Variants in MGAT4C observed in about 807,000 individuals in gnomAD.
The protein encoded by MGAT4C is alpha-1,3-mannosyl-glycoprotein 4-beta-N-acetylglucosaminyltransferase C.
A neutral mutation model predicts 40.1 loss-of-function variants in MGAT4C; 19 were observed. That is an observed-to-expected ratio of 0.47 (90% confidence interval 0.33 to 0.70). The LOEUF is 0.70. Ranked by LOEUF, MGAT4C falls within the 30% of genes least tolerant of loss-of-function variation. MGAT4C has a pLI of 0.02. For synonymous variants in MGAT4C, 181 were observed against 187.1 expected (o/e 0.97, Z 0.27); for missense variants, 491 against 563.2 (o/e 0.87, Z 1.30).
In MGAT4C at chr12:86,347,151, C is replaced by T. The variant is rs182154559; in HGVS notation, c.-119-13024G>A. Among the ~76,000 whole-genome samples the T allele has an allele frequency of 3.0e-4, 45 of 152,244 alleles. 1 individual carries two copies. Among genetic ancestry groups the T allele is most frequent in the Admixed American group, 1.2e-3 (19 of 15,266 alleles). On this transcript the variant is annotated intron_variant, in intron 3 of 7. Coordinates refer to the MGAT4C transcript ENST00000548651. ...CCTATGGTGGGACTTTACCTGTTAT[C>T]GTCTGAGTCAATTCTCCATAACAAA...
At chr12:86,836,295 T>C (rs1162428244) in intron 1 of MGAT4C, among the ~76,000 whole-genome samples, 1 of 152,040 alleles carries the variant, frequency 6.6e-6, no homozygotes, top group African/African-American at 2.4e-5. Context: ...ATACCTATAA[T>C]GCACATAAGC....
rs375384803 is a variant in MGAT4C, at chr12:86,391,116, C to T, written c.-120+44041G>A. Among the ~76,000 whole-genome samples, 15 of 152,208 alleles carry T rather than the reference C, an allele frequency of 9.9e-5. No individual in the cohort carries two copies. The East Asian group carries it at 2.7e-3, about 27-fold the overall frequency. ...CGTAAAATCTCTTGCAATTTTGCAA[C>T]TGTCAGCAAAGGTAGTCTTGAGTTT... On this transcript the variant is annotated intron_variant, in intron 3 of 7. Coordinates refer to the MGAT4C transcript ENST00000548651.
At chr12:86,789,363 A>G (rs548930509) in intron 1 of MGAT4C, among the ~76,000 whole-genome samples, 32 of 152,128 alleles carry the variant, frequency 2.1e-4, no homozygotes, top group Non-Finnish European at 4.4e-4. Flanking sequence ...TGCTTCAGCA[A>G]ATAGGAAATT....
intron 1 of MGAT4C, among the ~76,000 whole-genome samples, chr12:86,733,010 A>T (rs1365398013): frequency 6.6e-6 from 1 of 152,120 alleles, no homozygotes; most frequent in Non-Finnish European, 1.5e-5. Context: ...TCATTTTAAT[A>T]AAAGCTATAT....
intron 1 of MGAT4C, among the ~76,000 whole-genome samples, chr12:86,062,290 T>C (rs955933181): frequency 6.6e-6 from 1 of 152,186 alleles, no homozygotes; most frequent in Non-Finnish European, 1.5e-5. Flanking sequence ...GGGTCCTGAC[T>C]GTTAGAAGGA....
intron 1 of MGAT4C, among the ~76,000 whole-genome samples, chr12:86,819,850 T>C (rs1190181153): frequency 2.0e-5 from 3 of 147,336 alleles, no homozygotes; most frequent in African/African-American, 7.3e-5. Flanking sequence ...ACCAAAAATG[T>C]CTAGTTCCAA....
chr12:86,835,960 T>C (rs778237806), intron 1 of MGAT4C, among the ~76,000 whole-genome samples: 4 of 151,908 alleles, frequency 2.6e-5, no homozygotes, highest in Admixed American at 6.6e-5. Context: ...TGCAAAAATA[T>C]GTACCATTTA....
At chr12:86,505,095 G>A in intron 2 of MGAT4C, among the ~76,000 whole-genome samples, 1 of 152,086 alleles carries the variant, frequency 6.6e-6, no homozygotes, top group Non-Finnish European at 1.5e-5. Context: ...TCAAGTATCT[G>A]CCAGTGATAA....
chr12:86,667,215 TTAAC>T (rs771587653), intron 2 of MGAT4C, among the ~76,000 whole-genome samples: 11 of 151,984 alleles, frequency 7.2e-5, no homozygotes, highest in Non-Finnish European at 1.5e-4. Context: ...ATCAGGTAGA[TTAAC>T]TAAGAATGAA....
intron 1 of MGAT4C, among the ~76,000 whole-genome samples, chr12:86,163,925 A>G (rs1023231829): frequency 3.9e-5 from 6 of 152,214 alleles, no homozygotes; most frequent in African/African-American, 4.8e-5. Context: ...ATATATGCAC[A>G]TAAAGATATG....
Position 85,970,314 on chromosome 12 carries a change from T to C in MGAT4C, c.*8975A>G, listed in dbSNP as rs985990913. 5.3e-5 allele frequency: 8 copies of C among 151,334 alleles called. No individual in the cohort carries two copies. Among genetic ancestry groups the C allele is most frequent in the African/African-American group, 1.7e-4 (7 of 41,376 alleles). 9.4% of individuals were successfully genotyped at this position (151,334 alleles called of 1,614,324 possible). ...TCTAGTAGATTGACAGGCAGTTTTA[T>C]TAAGAAATGAATCAAATGGTAAATT... On this transcript the variant is annotated 3_prime_UTR_variant, in exon 5 of 5. Transcript: ENST00000611864.
intron 2 of MGAT4C, among the ~76,000 whole-genome samples, chr12:86,461,455 C>T (rs1957599952): frequency 2.0e-5 from 3 of 152,022 alleles, no homozygotes; most frequent in Non-Finnish European, 2.9e-5. Context: ...CCTTGTTAGC[C>T]AGGATGGTCT....
chr12:86,300,701 C>A (rs933746480), intron 4 of MGAT4C, among the ~76,000 whole-genome samples: 1 of 150,806 alleles, frequency 6.6e-6, no homozygotes, highest in Admixed American at 6.6e-5. Flanking sequence ...TATAACCTGC[C>A]ATGTAGCAAA....
At position 86,006,424 on chromosome 12, in the gene MGAT4C, C is replaced by A. The variant is rs527404519; in HGVS notation, c.-6-16872G>T. On this transcript the variant is annotated intron_variant, in intron 2 of 4. Transcript: ENST00000611864. Reference sequence around the variant, plus strand: ...CAGCAAATATATTATACTACCATATCCCAACAGATGTTTCAGCTGGTCCTC... The same window carrying A: ...CAGCAAATATATTATACTACCATATACCAACAGATGTTTCAGCTGGTCCTC... Among the ~76,000 whole-genome samples the A allele has an allele frequency of 1.7e-4, 26 of 152,242 alleles. No homozygotes were observed. In the South Asian group the frequency reaches 5.4e-3, roughly 32 times the overall value.
chr12:86,679,627 C>G (rs1230960697), intron 2 of MGAT4C, among the ~76,000 whole-genome samples: 2 of 151,990 alleles, frequency 1.3e-5, no homozygotes, highest in Non-Finnish European at 2.9e-5. Flanking sequence ...ATGAGCAGAG[C>G]CTTCAGGAAT....
chr12:86,623,446 T>C (rs1962701961), intron 2 of MGAT4C, among the ~76,000 whole-genome samples: 1 of 152,166 alleles, frequency 6.6e-6, no homozygotes, highest in Non-Finnish European at 1.5e-5. Flanking sequence ...TATCAGTTTT[T>C]TTTAAAATGT....
intron 1 of MGAT4C, among the ~76,000 whole-genome samples, chr12:86,116,097 T>C (rs1878368947): frequency 6.6e-6 from 1 of 151,716 alleles, no homozygotes; most frequent in Admixed American, 6.6e-5. Context: ...AAGAATAGCA[T>C]AAAGGCTGCT....
chr12:86,408,479 C>CTCTCTCTCTATATATATATATA (rs1267344319), intron 3 of MGAT4C, among the ~76,000 whole-genome samples: 4 of 63,344 alleles, frequency 6.3e-5, no homozygotes, highest in African/African-American at 3.1e-4. Flanking sequence ...CTCTCTCTCT[C>CTCTCTCTCTATATATATATATA]TATATATATA....
chr12:86,284,726 T>G (rs1953307228), intron 4 of MGAT4C, among the ~76,000 whole-genome samples: 1 of 151,944 alleles, frequency 6.6e-6, no homozygotes. Context: ...TAGTTTATAT[T>G]TAAAACTTCT....
Sources: allele counts gnomAD v4.1 joint callset (sites outside exome capture counted in the v4.1 genomes callset), GRCh38; gene constraint gnomAD v4.1.1; transcripts MANE v1.5; gene names NCBI Gene and HGNC (gene_info 2026-07-23, HGNC 2026-07-21).